POLH: variants seen among roughly 807,000 people sequenced by gnomAD.
POLH encodes the protein DNA polymerase eta transcript.
In POLH, 53 loss-of-function variants were observed where a neutral mutation model predicts 73.6. That is an observed-to-expected ratio of 0.72 (90% CI 0.58 to 0.91). The LOEUF is 0.91. Ranked by LOEUF, POLH falls within the 40% of genes least tolerant of loss-of-function variation. POLH has a pLI of 0.00. For synonymous variants in POLH, 292 were observed against 308.5 expected, an observed-to-expected ratio of 0.95 and a Z score of 0.56; for missense variants, 768 against 865.4, an observed-to-expected ratio of 0.89 and a Z score of 1.41.
chr6:43,609,810 G>A (rs1767686764), intron 9 of POLH, among the ~76,000 whole-genome samples: 2 of 152,200 alleles, frequency 1.3e-5, no homozygotes, highest in Middle Eastern at 3.4e-3. Flanking sequence ...ATCTAGTATT[G>A]TAGATATTTG....
chr6:43,602,689 G>GA (rs576483101), intron 6 of POLH, among the ~76,000 whole-genome samples: 38 of 151,370 alleles, frequency 2.5e-4, no homozygotes, highest in Non-Finnish European at 4.7e-4. Flanking sequence ...TTTTTTTTGA[G>GA]ACAAGTCTTG....
intron 4 of POLH, among the ~76,000 whole-genome samples, chr6:43,587,995 T>C (rs1765015507): frequency 6.8e-6 from 1 of 148,080 alleles, no homozygotes; most frequent in South Asian, 2.2e-4. Context: ...ATCTCGCCAC[T>C]GCACTCCAGC....
rs1459089595 is a variant in POLH at position 43,614,178 on chromosome 6, C to G, written c.1763C>G (p.Ser588Cys). The change falls in exon 11 of 11, where the codon TCT (serine) becomes TGT (cysteine). Residue 588 changes from serine (S) to cysteine (C), a missense_variant. Transcript: ENST00000372236. Reference sequence around the variant, plus strand: ...GGGGTGTCGAAGCTAGAAGAATCCTCTAAAGCAACTCCTGCAGAGATGGAT... The same window carrying G: ...GGGGTGTCGAAGCTAGAAGAATCCTGTAAAGCAACTCCTGCAGAGATGGAT... ...CEGVSKLEES[S>C]KATPAEMDLA... The G allele has an allele frequency of 6.2e-7, 1 of 1,614,062 alleles. No homozygotes were observed. Among genetic ancestry groups the G allele is most frequent in the African/African-American group, 1.3e-5 (1 of 74,934 alleles).
At position 43,603,976 on chromosome 6, in the gene POLH, A is replaced by C. The variant is rs1258924445; in HGVS notation, c.849A>C (p.Glu283Asp). Residue 283 changes from glutamate to aspartate, a missense_variant, in exon 7 of 11, where the codon GAA becomes GAC. By Grantham distance (45) the Glu-to-Asp change is conservative. Transcript: ENST00000372236. ...TGGGTGAACTGACCCAGTTCACTGA[A>C]TCCCAGCTCCAGAGTCATTTTGGGG... ...EYMGELTQFT[E>D]SQLQSHFGEK... The C allele has an allele frequency of 1.2e-6, 2 of 1,613,372 alleles. No homozygotes were observed. Among genetic ancestry groups the C allele is most frequent in the Non-Finnish European group, 8.5e-7 (1 of 1,179,300 alleles).
At chr6:43,611,835 C>G (rs565969897) in intron 10 of POLH, among the ~76,000 whole-genome samples, 1 of 152,074 alleles carries the variant, frequency 6.6e-6, no homozygotes, top group African/African-American at 2.4e-5. Context: ...GCAGGCAGAT[C>G]ACCTGAGGTC....
At chr6:43,585,882 G>A (rs1236458079) in intron 3 of POLH, among the ~76,000 whole-genome samples, 1 of 151,320 alleles carries the variant, frequency 6.6e-6, no homozygotes, top group Non-Finnish European at 1.5e-5. Context: ...GACCTCAGGT[G>A]ATCCACCCAC....
intron 4 of POLH, among the ~76,000 whole-genome samples, chr6:43,596,448 A>G (rs1281734095): frequency 6.6e-6 from 1 of 152,152 alleles, no homozygotes; most frequent in Non-Finnish European, 1.5e-5. Flanking sequence ...ATGCCACTGC[A>G]CTCCAGCCTG....
chr6:43,589,985 T>C (rs528802934), intron 4 of POLH, among the ~76,000 whole-genome samples: 1 of 152,250 alleles, frequency 6.6e-6, no homozygotes, highest in Non-Finnish European at 1.5e-5. Flanking sequence ...TGTGATATAA[T>C]CTGTATGAAG....
intron 4 of POLH, chr6:43,591,220 A>G (rs1765425966): frequency 6.6e-6 from 1 of 152,224 alleles, no homozygotes; most frequent in Non-Finnish European, 1.5e-5. Flanking sequence ...TTGATATTTT[A>G]TTATTCTGGG....
At chr6:43,582,960 T>C (rs772856092) in intron 2 of POLH, 47 bp from the exon 3 acceptor site, 2 of 1,540,080 alleles carry the variant, frequency 1.3e-6, no homozygotes. Context: ...TGTTTTTGCT[T>C]GTGATCATAT....
chr6:43,597,202 G>A (rs577809398), intron 4 of POLH, among the ~76,000 whole-genome samples: 5 of 152,098 alleles, frequency 3.3e-5, no homozygotes, highest in African/African-American at 1.2e-4. Flanking sequence ...TGCAACCTCC[G>A]CCTCCTGGGT....
rs973023460 is a variant in POLH, at chr6:43,616,116, A to C, written c.*1559A>C. On this transcript the variant is annotated 3_prime_UTR_variant, in exon 11 of 11. Transcript: ENST00000372236. The stretch of plus-strand genomic sequence containing the variant: ...ACGGTGAAACCCCGTCTCTACTAAA[A>C]AATACAAAAAAAAATTAGCCGGGTG... 1.3e-5 allele frequency among the ~76,000 whole-genome samples: 2 copies of C among 151,668 alleles called. No individual in the cohort carries two copies. Among genetic ancestry groups the C allele is most frequent in the African/African-American group, 4.8e-5 (2 of 41,400 alleles).
chr6:43,614,095 T>TA lies in POLH; in HGVS notation c.1683dup (p.Ala562SerfsTer18). On this transcript the variant is annotated frameshift_variant, in exon 11 of 11. Coordinates refer to ENST00000372236, the MANE Select transcript of POLH (RefSeq NM_006502.3). LOFTEE classifies it high-confidence loss of function. ...CCCAACAAAACCCATGGTCCAACTG[T>TA]AAAGCATTACCAAACTCTTTACCAA... 6.2e-7 allele frequency: 1 copy of TA among 1,614,200 alleles called. No homozygotes were observed. Among genetic ancestry groups the TA allele is most frequent in the Non-Finnish European group, 8.5e-7 (1 of 1,180,018 alleles).
At chr6:43,595,804 T>C (rs1354807422) in intron 4 of POLH, among the ~76,000 whole-genome samples, 1 of 151,726 alleles carries the variant, frequency 6.6e-6, no homozygotes, top group Non-Finnish European at 1.5e-5. Context: ...ATTAAATAAA[T>C]AAAATAAAGT....
In POLH at chr6:43,597,838, G is replaced by A; in HGVS notation, c.633G>A (p.Gln211=). Residue 211 remains glutamine (Q), a synonymous_variant, in exon 5 of 11, where the codon CAG becomes CAA. Coordinates refer to ENST00000372236, the MANE Select transcript of POLH (RefSeq NM_006502.3). ...RAAIERETGF[Q]CSAGISHNKV... is the part of the protein sequence containing the mutation. ...CCATAGAGAGGGAGACTGGTTTTCA[G>A]TGTTCAGCTGGAATTTCACACAATA... 2 of 1,613,918 alleles carry A rather than the reference G, an allele frequency of 1.2e-6. No individual in the cohort carries two copies. Among genetic ancestry groups the A allele is most frequent in the East Asian group, 2.2e-5 (1 of 44,876 alleles).
intron 1 of POLH, among the ~76,000 whole-genome samples, chr6:43,579,626 G>A (rs901988215): frequency 6.6e-6 from 1 of 152,216 alleles, no homozygotes; most frequent in African/African-American, 2.4e-5. Flanking sequence ...AGGGGCTCAT[G>A]AGATTCCCAA....
At chr6:43,602,824 C>T (rs976528889) in intron 6 of POLH, among the ~76,000 whole-genome samples, 4 of 151,276 alleles carry the variant, frequency 2.6e-5, no homozygotes, top group East Asian at 3.9e-4. Context: ...CATGCCACTA[C>T]GCCCGACTAA....
chr6:43,579,115 G>A (rs755501852), intron 1 of POLH, among the ~76,000 whole-genome samples: 3 of 152,108 alleles, frequency 2.0e-5, no homozygotes, highest in East Asian at 1.9e-4. Flanking sequence ...CCTAGCTTTC[G>A]TTATAATGTT....
intron 9 of POLH, 62 bp from the exon 10 acceptor site, chr6:43,610,492 G>A: frequency 1.5e-6 from 2 of 1,370,122 alleles, no homozygotes; most frequent in Non-Finnish European, 1.0e-6. Flanking sequence ...CTGCAGTTCA[G>A]TACCTAGAAT....
Sources: gnomAD v4.1 joint callset for allele counts (sites outside exome capture counted in the v4.1 genomes callset) on GRCh38, gnomAD v4.1.1 for gene constraint, MANE v1.5 for transcripts, NCBI Gene and HGNC (gene_info 2026-07-23, HGNC 2026-07-21) for gene names.